MAP3K1: variants seen among roughly 807,000 people sequenced by gnomAD.
MAP3K1 encodes the protein mitogen-activated protein kinase kinase kinase 1.
In MAP3K1, 36 loss-of-function variants were observed where a neutral mutation model predicts 144.2. That is an observed-to-expected ratio of 0.25 (90% CI 0.19 to 0.33). The LOEUF (loss-of-function observed/expected upper bound fraction) is 0.33. Ranked by LOEUF, MAP3K1 falls within the 10% of genes least tolerant of loss-of-function variation. The probability of loss-of-function intolerance (pLI) is 1.00; values close to 1 mark genes in which losing one functional copy is unlikely to be tolerated. For synonymous variants in MAP3K1, 718 were observed against 688.7 expected, an observed-to-expected ratio of 1.04 and a Z score of -0.67; for missense variants, 1,650 against 1,881.9, an observed-to-expected ratio of 0.88 and a Z score of 2.28.
At position 56,815,781 on chromosome 5, in the gene MAP3K1, C is replaced by G; in HGVS notation, c.208C>G (p.Leu70Val). 7.0e-7 allele frequency: 1 copy of G among 1,419,590 alleles called. No individual in the cohort carries two copies. Among genetic ancestry groups the G allele is most frequent in the Non-Finnish European group, 9.2e-7 (1 of 1,083,546 alleles). The allele number at this position is 1,419,590 out of a possible 1,614,324, so 87.9% of individuals were successfully genotyped here. A position where few individuals can be genotyped will look rare whatever the true frequency, so the allele number is the denominator to read the frequency against. The change falls in exon 1 of 20, where the codon CTG (leucine) becomes GTG (valine). Residue 70 changes from leucine (L) to valine (V), a missense_variant. Leu to Val is a conservative substitution (Grantham distance 32, BLOSUM62 1). Coordinates refer to ENST00000399503, the MANE Select transcript of MAP3K1 (RefSeq NM_005921.2). ...GCTGCGCAAAGTGCGGAGTGTGGAG[C>G]TGGACCAGCTGCCTGAGCAGCCGCT... ...RQLRKVRSVE[L>V]DQLPEQPLFL...
chr5:56,858,926 G>C (rs1345450734), intron 2 of MAP3K1, among the ~76,000 whole-genome samples: 1 of 152,048 alleles, frequency 6.6e-6, no homozygotes, highest in Non-Finnish European at 1.5e-5. Context: ...GAAGGGTCAG[G>C]CAAGTTTGGT....
rs931917840 is a variant in MAP3K1 at position 56,862,657 on chromosome 5, G to T, written c.835-2077G>T. Among the ~76,000 whole-genome samples, 11 of 152,236 alleles carry T rather than the reference G, an allele frequency of 7.2e-5. No homozygotes were observed. The South Asian group carries it at 2.1e-3, about 29-fold the overall frequency. The stretch of plus-strand genomic sequence containing the variant: ...TGTTACTGAAAACAGTGCTTCAAAA[G>T]TATTTTTATACGTATGTCATCTTGT... On this transcript the variant is annotated intron_variant, in intron 3 of 19. Coordinates refer to ENST00000399503, the MANE Select transcript of MAP3K1 (RefSeq NM_005921.2).
At chr5:56,856,899 C>G in intron 2 of MAP3K1, 149 bp downstream of exon 2, 1 of 880,582 alleles carries the variant, frequency 1.1e-6, no homozygotes, top group Non-Finnish European at 1.8e-6. Flanking sequence ...TGGAAGAAAC[C>G]ATAATTAAAA....
At chr5:56,856,271 A>G (rs538113584) in intron 1 of MAP3K1, among the ~76,000 whole-genome samples, 137 of 152,334 alleles carry the variant, frequency 9.0e-4, no homozygotes, top group East Asian at 3.5e-3. Flanking sequence ...CTGGGATAAA[A>G]GTGTAGTAAT....
intron 1 of MAP3K1, among the ~76,000 whole-genome samples, chr5:56,846,656 C>T (rs367808723): frequency 5.1e-4 from 77 of 152,178 alleles, no homozygotes; most frequent in Admixed American, 1.4e-3. Flanking sequence ...ATCTCCATGT[C>T]CCCCTCTCCG....
chr5:56,859,544 TC>T (rs1366276126), intron 2 of MAP3K1, 170 bp from the exon 3 acceptor site: 3 of 598,148 alleles, frequency 5.0e-6, no homozygotes, highest in Non-Finnish European at 8.9e-6. Context: ...GTAAAAATAA[TC>T]TTTTACATTA....
intron 1 of MAP3K1, among the ~76,000 whole-genome samples, chr5:56,852,562 TA>T (rs1184768449): frequency 2.6e-5 from 4 of 152,236 alleles, no homozygotes; most frequent in Non-Finnish European, 5.9e-5. Flanking sequence ...GCTTGATCTG[TA>T]ATAGTGCTTA....
chr5:56,817,132 G>A lies in MAP3K1; in HGVS notation c.482+1077G>A, dbSNP rs1275060434. 6 of 984,456 alleles carry A rather than the reference G, an allele frequency of 6.1e-6. No homozygotes were observed. The African/African-American group carries it at 1.0e-4, about 17-fold the overall frequency. 61.0% of individuals were successfully genotyped at this position (984,456 alleles called of 1,614,324 possible). A position where few individuals can be genotyped will look rare whatever the true frequency, so the allele number is the denominator to read the frequency against. ...TATGTGTAAGGTAATTTAGACCAGCGGTTTATTGGCCTCGCCCATTTTTGG... is the reference window on the plus strand; with the variant it reads ...TATGTGTAAGGTAATTTAGACCAGCAGTTTATTGGCCTCGCCCATTTTTGG... On this transcript the variant is annotated intron_variant, in intron 1 of 19. Transcript: ENST00000399503.
chr5:56,855,105 C>T (rs1206459356), intron 1 of MAP3K1, among the ~76,000 whole-genome samples: 1 of 151,942 alleles, frequency 6.6e-6, no homozygotes, highest in Non-Finnish European at 1.5e-5. Flanking sequence ...CTTTCTCTGC[C>T]TTCCTCTCCC....
At chr5:56,885,837 G>A in intron 16 of MAP3K1, 95 bp from the exon 17 acceptor site, 3 of 971,800 alleles carry the variant, frequency 3.1e-6, no homozygotes, top group South Asian at 1.4e-5. Context: ...AGATGTGAAT[G>A]TGAGTTCATG....
At chr5:56,840,131 A>G (rs1746768430) in intron 1 of MAP3K1, among the ~76,000 whole-genome samples, 1 of 152,096 alleles carries the variant, frequency 6.6e-6, no homozygotes, top group Non-Finnish European at 1.5e-5. Flanking sequence ...TACTTAAATA[A>G]GCGTTTTGTT....
intron 9 of MAP3K1, among the ~76,000 whole-genome samples, 180 bp from the exon 10 acceptor site, chr5:56,874,852 G>A (rs1362159219): frequency 6.6e-6 from 1 of 152,100 alleles, no homozygotes; most frequent in Admixed American, 6.6e-5. Context: ...AGTTAAACTT[G>A]AGTATAAAAT....
In MAP3K1 at chr5:56,888,289, G is replaced by C; in HGVS notation, c.4321G>C (p.Glu1441Gln). ...ATGGAGTGTTGGCTGTGCTATTATA[G>C]AAATGGCTTGTGCAAAACCACCATG... ...DVWSVGCAII[E>Q]MACAKPPWNA... Residue 1441 changes from glutamate to glutamine, a missense_variant, in exon 19 of 20, where the codon GAA becomes CAA. This residue lies in a region of MAP3K1 where 165 missense variants were observed against 322.9 expected (regional missense o/e 0.51). Transcript: ENST00000399503. The C allele has an allele frequency of 6.2e-7, 1 of 1,613,738 alleles. No homozygotes were observed. The highest frequency in any genetic ancestry group is 8.5e-7 in the Non-Finnish European group (1 of 1,179,726).
At chr5:56,886,753 C>T (rs1748389131) in intron 17 of MAP3K1, among the ~76,000 whole-genome samples, 1 of 151,978 alleles carries the variant, frequency 6.6e-6, no homozygotes, top group African/African-American at 2.4e-5. Flanking sequence ...TTGTAGGTCC[C>T]ATTATTTTCC....
chr5:56,881,437 T>A (rs1317242136), intron 13 of MAP3K1, 133 bp from the exon 14 acceptor site: 5 of 977,616 alleles, frequency 5.1e-6, no homozygotes, highest in Non-Finnish European at 7.8e-6. Context: ...GCTCTTTAAT[T>A]AAAAATTCAT....
intron 9 of MAP3K1, among the ~76,000 whole-genome samples, chr5:56,874,743 T>C (rs1747968675): frequency 6.6e-6 from 1 of 152,164 alleles, no homozygotes; most frequent in Non-Finnish European, 1.5e-5. Context: ...TGTGGGACAG[T>C]AGAGGCATAG....
At chr5:56,827,351 G>C (rs1332902294) in intron 1 of MAP3K1, among the ~76,000 whole-genome samples, 2 of 152,170 alleles carry the variant, frequency 1.3e-5, no homozygotes, top group Non-Finnish European at 2.9e-5. Context: ...AGTGGGTCAG[G>C]AGGCCCCAAG....
chr5:56,881,424 T>C (rs1275298365), intron 13 of MAP3K1, 146 bp from the exon 14 acceptor site: 10 of 972,094 alleles, frequency 1.0e-5, no homozygotes, highest in Non-Finnish European at 1.6e-5. Flanking sequence ...ACCCAAAGTC[T>C]GGGCTCTTTA....
chr5:56,824,524 T>C (rs565349654), intron 1 of MAP3K1, among the ~76,000 whole-genome samples: 26 of 152,268 alleles, frequency 1.7e-4, no homozygotes, highest in African/African-American at 6.0e-4. Context: ...AGAGGGAGAA[T>C]AGGACTCAAA....
Sources: gnomAD v4.1 joint callset for allele counts (sites outside exome capture counted in the v4.1 genomes callset) on GRCh38, gnomAD v4.1.1 for gene constraint, gnomAD v4.1.1 regional missense constraint, MANE v1.5 for transcripts, NCBI Gene and HGNC (gene_info 2026-07-23, HGNC 2026-07-21) for gene names.